Variants in DNER observed in about 807,000 individuals in gnomAD.
DNER encodes delta and Notch-like epidermal growth factor-related receptor.
A neutral mutation model predicts 78.2 loss-of-function variants in DNER; 33 were observed. That is an observed-to-expected ratio of 0.42 (90% CI 0.32 to 0.56). DNER has a LOEUF of 0.56. Among genes scored for constraint, DNER ranks in the 20% least tolerant of loss-of-function variants. The pLI is 0.11. For missense variants in DNER, 918 were observed against 975.3 expected (o/e 0.94, Z 0.78); for synonymous variants, 417 against 384.8 (o/e 1.08, Z -0.98).
At chr2:229,619,153 A>G (rs968092516) in intron 1 of DNER, among the ~76,000 whole-genome samples, 1 of 97,198 alleles carries the variant, frequency 1.0e-5, no homozygotes, top group African/African-American at 4.1e-5. Context: ...AAATTTATAC[A>G]CACACACACA....
chr2:229,376,043 A>T (rs207651), intron 11 of DNER, among the ~76,000 whole-genome samples: 2 of 151,970 alleles, frequency 1.3e-5, no homozygotes, highest in Non-Finnish European at 2.9e-5. Context: ...GAAGAAGGTG[A>T]CTTGCTTCCC....
Position 229,641,451 on chromosome 2 carries a change from T to G in DNER, c.277-49563A>C, listed in dbSNP as rs186012982. ...CAAAGAGTACAATTTTTTACACAGATGCAAATGCAAAAGAACAATAGTTTC... is the reference window on the plus strand; with the variant it reads ...CAAAGAGTACAATTTTTTACACAGAGGCAAATGCAAAAGAACAATAGTTTC... On this transcript the variant is annotated intron_variant, in intron 1 of 12. Coordinates refer to ENST00000341772, the MANE Select transcript of DNER (RefSeq NM_139072.4). Among the ~76,000 whole-genome samples the G allele has an allele frequency of 2.3e-4, 35 of 152,272 alleles. No individual in the cohort carries two copies. In the East Asian group the frequency reaches 6.6e-3, roughly 29 times the overall value.
rs187595717 is a variant in DNER, at chr2:229,627,755, G to A, written c.277-35867C>T. 1.2e-4 allele frequency among the ~76,000 whole-genome samples: 18 copies of A among 152,286 alleles called. No individual in the cohort carries two copies. The East Asian group carries it at 3.5e-3, about 29-fold the overall frequency. On this transcript the variant is annotated intron_variant, in intron 1 of 12. Coordinates refer to ENST00000341772, the MANE Select transcript of DNER (RefSeq NM_139072.4). Reference sequence around the variant, plus strand: ...AGCAGCAAGTTGTAAGTGTGACTAGGGAAGGAGAGAGTCCCTCACAAGCAG... The same window carrying A: ...AGCAGCAAGTTGTAAGTGTGACTAGAGAAGGAGAGAGTCCCTCACAAGCAG...
intron 4 of DNER, 45 bp downstream of exon 4, chr2:229,585,813 G>A (rs1317172052): frequency 2.5e-6 from 4 of 1,608,464 alleles, no homozygotes; most frequent in South Asian, 2.2e-5. Flanking sequence ...ACCAAAGTTG[G>A]GTTGAATCAG....
At chr2:229,402,137 C>T (rs989077681) in intron 10 of DNER, among the ~76,000 whole-genome samples, 2 of 124,950 alleles carry the variant, frequency 1.6e-5, no homozygotes, top group African/African-American at 5.2e-5. Flanking sequence ...AAGCACAAAC[C>T]ATAAAAGAAA....
At chr2:229,566,795 T>C (rs1697118628) in intron 4 of DNER, among the ~76,000 whole-genome samples, 1 of 152,198 alleles carries the variant, frequency 6.6e-6, no homozygotes, top group African/African-American at 2.4e-5. Flanking sequence ...CCCCCAGATG[T>C]CTGTTGGCCA....
At chr2:229,528,566 G>A (rs1329173821) in intron 5 of DNER, among the ~76,000 whole-genome samples, 1 of 152,132 alleles carries the variant, frequency 6.6e-6, no homozygotes, top group Non-Finnish European at 1.5e-5. Context: ...GTCAGACATT[G>A]AACTCTGATC....
intron 4 of DNER, among the ~76,000 whole-genome samples, chr2:229,560,380 A>G (rs775098481): frequency 3.0e-4 from 46 of 152,190 alleles, no homozygotes; most frequent in Non-Finnish European, 1.5e-4. Flanking sequence ...GCACAAACCA[A>G]TAACCTAAAA....
rs550077205 is a variant in DNER at position 229,684,348 on chromosome 2, G to A, written c.276+29800C>T. Among the ~76,000 whole-genome samples the A allele has an allele frequency of 2.6e-5, 4 of 151,826 alleles. No individual in the cohort carries two copies. In the East Asian group the frequency reaches 5.8e-4, roughly 22 times the overall value. ...GATTTAAATGTCTGAATTCTCTCCC[G>A]AGCACCCACCATTCCACCCCATCCC... On this transcript the variant is annotated intron_variant, in intron 1 of 12. Coordinates refer to ENST00000341772, the MANE Select transcript of DNER (RefSeq NM_139072.4).
At chr2:229,383,368 A>G (rs1216024034) in intron 11 of DNER, among the ~76,000 whole-genome samples, 2 of 152,236 alleles carry the variant, frequency 1.3e-5, no homozygotes, top group Non-Finnish European at 2.9e-5. Context: ...CGGGCAAAAT[A>G]ACCAGCTAGC....
intron 6 of DNER, among the ~76,000 whole-genome samples, chr2:229,489,428 G>C (rs1360023874): frequency 4.6e-5 from 7 of 152,028 alleles, no homozygotes; most frequent in African/African-American, 1.7e-4. Context: ...GCATGAGAAA[G>C]CCAGACTGCA....
intron 1 of DNER, among the ~76,000 whole-genome samples, chr2:229,618,800 G>A (rs1199994153): frequency 1.3e-5 from 2 of 151,972 alleles, no homozygotes; most frequent in Admixed American, 1.3e-4. Context: ...AAATTTCCTC[G>A]CTTTTATTTT....
chr2:229,610,795 C>T (rs1021399786), intron 1 of DNER, among the ~76,000 whole-genome samples: 3 of 152,234 alleles, frequency 2.0e-5, no homozygotes, highest in Non-Finnish European at 4.4e-5. Flanking sequence ...CCAAGTCTGT[C>T]AAATGCCAAT....
At chr2:229,524,459 G>A (rs538146044) in intron 5 of DNER, among the ~76,000 whole-genome samples, 3 of 152,278 alleles carry the variant, frequency 2.0e-5, no homozygotes, top group East Asian at 3.9e-4. Flanking sequence ...AGTAACAAAG[G>A]AGTCAGTGCA....
chr2:229,589,090 A>C (rs764302035), intron 2 of DNER, among the ~76,000 whole-genome samples: 2 of 152,192 alleles, frequency 1.3e-5, no homozygotes, highest in Non-Finnish European at 2.9e-5. Context: ...TTTAAAAAGG[A>C]GATCAATTGG....
At chr2:229,367,418 T>A (rs764063221) in intron 11 of DNER, among the ~76,000 whole-genome samples, 19 of 151,848 alleles carry the variant, frequency 1.3e-4, no homozygotes, top group Admixed American at 5.2e-4. Flanking sequence ...CTGGCCAACA[T>A]GGTAAAACCT....
chr2:229,679,353 T>C (rs551649700), intron 1 of DNER, among the ~76,000 whole-genome samples: 1 of 152,340 alleles, frequency 6.6e-6, no homozygotes, highest in Non-Finnish European at 1.5e-5. Context: ...CAAGTAGTTA[T>C]AATATTACTC....
At chr2:229,386,939 C>T (rs959413625) in intron 11 of DNER, among the ~76,000 whole-genome samples, 14 of 151,924 alleles carry the variant, frequency 9.2e-5, no homozygotes, top group African/African-American at 3.4e-4. Flanking sequence ...GGATCTGGAA[C>T]CAGAAATACC....
chr2:229,358,845 C>A (rs1692150230), intron 12 of DNER, among the ~76,000 whole-genome samples, 194 bp from the exon 13 acceptor site: 1 of 152,018 alleles, frequency 6.6e-6, no homozygotes, highest in Non-Finnish European at 1.5e-5. Context: ...GTGTTCGAGG[C>A]AAAAAAACAT....
Sources: allele counts gnomAD v4.1 joint callset (sites outside exome capture counted in the v4.1 genomes callset), GRCh38; gene constraint gnomAD v4.1.1; transcripts MANE v1.5; gene names NCBI Gene and HGNC (gene_info 2026-07-23, HGNC 2026-07-21).